OSBPL6: variants seen among roughly 807,000 people sequenced by gnomAD.
OSBPL6 encodes oxysterol-binding protein-related protein 6.
A neutral mutation model predicts 125.8 loss-of-function variants in OSBPL6; 49 were observed. That is an observed-to-expected ratio of 0.39 (90% CI 0.31 to 0.49). OSBPL6 has a LOEUF of 0.49. OSBPL6 is among the 20% of genes least tolerant of loss of function. OSBPL6 has a pLI of 0.88. For synonymous variants in OSBPL6, 394 were observed against 391.8 expected (o/e 1.01, Z -0.07); for missense variants, 986 against 1,135.4 (o/e 0.87, Z 1.89).
At chr2:178,200,877 G>A (rs2089214578) in intron 1 of OSBPL6, among the ~76,000 whole-genome samples, 1 of 151,822 alleles carries the variant, frequency 6.6e-6, no homozygotes, top group East Asian at 1.9e-4. Context: ...CTCAGTGCAA[G>A]CTCTGCCTCC....
chr2:178,311,046 A>G (rs1687227406), intron 3 of OSBPL6, among the ~76,000 whole-genome samples: 1 of 151,972 alleles, frequency 6.6e-6, no homozygotes, highest in African/African-American at 2.4e-5. Context: ...AGAGTGAGCC[A>G]CTCTTCTGCA....
chr2:178,353,177 G>A (rs546625538), intron 12 of OSBPL6, among the ~76,000 whole-genome samples: 1 of 152,338 alleles, frequency 6.6e-6, no homozygotes, highest in East Asian at 1.9e-4. Flanking sequence ...AAAAACCAGA[G>A]CACCTCTTCT....
intron 1 of OSBPL6, among the ~76,000 whole-genome samples, chr2:178,235,726 GA>G (rs1222811544): frequency 2.0e-5 from 3 of 152,000 alleles, no homozygotes; most frequent in Non-Finnish European, 1.5e-5. Flanking sequence ...TTTCTATTTG[GA>G]AAAAGATGCA....
chr2:178,214,029 G>A (rs1222500139), intron 1 of OSBPL6, among the ~76,000 whole-genome samples: 1 of 152,072 alleles, frequency 6.6e-6, no homozygotes, highest in African/African-American at 2.4e-5. Context: ...TCAAGTATTT[G>A]TATAATTACT....
intron 12 of OSBPL6, among the ~76,000 whole-genome samples, chr2:178,358,191 C>T (rs1394176804): frequency 6.6e-6 from 1 of 152,104 alleles, no homozygotes; most frequent in Non-Finnish European, 1.5e-5. Context: ...TGTACCAAAC[C>T]TGCACGTTGT....
chr2:178,399,189 G>A lies in OSBPL6; in HGVS notation c.*3630G>A, dbSNP rs1235406376. 1.3e-5 allele frequency: 2 copies of A among 152,114 alleles called. No homozygotes were observed. Among genetic ancestry groups the A allele is most frequent in the Non-Finnish European group, 2.9e-5 (2 of 68,022 alleles). The allele number at this position is 152,114 out of a possible 1,614,324, so 9.4% of individuals were successfully genotyped here. ...AATTAAACAATTTTGAATCTATTTT[G>A]TGCTCTAGAAATGTTCTTTTGGGGA... On this transcript the variant is annotated 3_prime_UTR_variant, in exon 25 of 25. Transcript: ENST00000190611.
At chr2:178,222,876 A>G (rs2090400862) in intron 1 of OSBPL6, among the ~76,000 whole-genome samples, 2 of 152,208 alleles carry the variant, frequency 1.3e-5, no homozygotes, top group African/African-American at 4.8e-5. Flanking sequence ...TAGTATTTAT[A>G]TTCCTGTAAA....
At chr2:178,195,334 T>C (rs2088819692) in intron 1 of OSBPL6, among the ~76,000 whole-genome samples, 1 of 152,198 alleles carries the variant, frequency 6.6e-6, no homozygotes, top group African/African-American at 2.4e-5. Context: ...CCTTCCCTGG[T>C]TCAGACCGGG....
At chr2:178,278,270 G>A (rs370177950) in intron 1 of OSBPL6, among the ~76,000 whole-genome samples, 1 of 152,106 alleles carries the variant, frequency 6.6e-6, no homozygotes, top group East Asian at 1.9e-4. Context: ...TACATATTTT[G>A]CTTTTGTAAC....
chr2:178,340,031 A>G (rs1690065948), intron 11 of OSBPL6, among the ~76,000 whole-genome samples: 1 of 152,180 alleles, frequency 6.6e-6, no homozygotes, highest in Non-Finnish European at 1.5e-5. Context: ...CCTTTGAACC[A>G]TTAAAATATA....
intron 1 of OSBPL6, among the ~76,000 whole-genome samples, chr2:178,267,581 A>C (rs779235176): frequency 1.3e-4 from 20 of 152,118 alleles, no homozygotes; most frequent in Admixed American, 3.3e-4. Flanking sequence ...TTCAGGTTTC[A>C]TCAGGGGCAG....
chr2:178,227,522 C>A (rs2090614306), intron 1 of OSBPL6, among the ~76,000 whole-genome samples: 1 of 152,092 alleles, frequency 6.6e-6, no homozygotes, highest in Non-Finnish European at 1.5e-5. Context: ...TTGCCCTGTA[C>A]ATATAAAAAA....
rs74757255 is a variant in OSBPL6, at chr2:178,306,522, A to G, written c.102+236A>G. Reference sequence around the variant, plus strand: ...ACAGAAGGCTGGTAGGGTGGCTATGAGAAGCCCTGCCGTCTTTTCCTCCCT... The same window carrying G: ...ACAGAAGGCTGGTAGGGTGGCTATGGGAAGCCCTGCCGTCTTTTCCTCCCT... On this transcript the variant is annotated intron_variant, in intron 3 of 24. Transcript: ENST00000190611. 0.015 allele frequency among the ~76,000 whole-genome samples: 2,324 copies of G among 152,260 alleles called. 107 individuals are homozygous for G. In the East Asian group the frequency reaches 0.18, roughly 12 times the overall value.
intron 1 of OSBPL6, among the ~76,000 whole-genome samples, chr2:178,201,407 G>T (rs1023409418): frequency 6.6e-6 from 1 of 150,764 alleles, no homozygotes; most frequent in Non-Finnish European, 1.5e-5. Flanking sequence ...TTGAGATGAG[G>T]GTCTCACTAT....
At chr2:178,257,799 C>CTT (rs34246883) in intron 1 of OSBPL6, among the ~76,000 whole-genome samples, 64 of 143,616 alleles carry the variant, frequency 4.5e-4, no homozygotes, top group Admixed American at 7.7e-4. Flanking sequence ...TTTTTAATTC[C>CTT]TTTTTTTTTT....
Position 178,242,248 on chromosome 2 carries a change from TC to T in OSBPL6, c.-350-42674del, listed in dbSNP as rs950254252. On this transcript the variant is annotated intron_variant, in intron 1 of 24. Coordinates refer to ENST00000190611, the MANE Select transcript of OSBPL6 (RefSeq NM_032523.4). ...ACAGCTGAACTCTGCCTTTTATTTT[TC>T]CCCCTTAACCAATATTATTTGACTC... Among the ~76,000 whole-genome samples the T allele has an allele frequency of 1.2e-3, 177 of 152,176 alleles. 3 individuals carry two copies. The highest frequency in any genetic ancestry group is 2.3e-3 in the Admixed American group (35 of 15,278).
At chr2:178,285,901 T>C (rs568116779) in intron 2 of OSBPL6, among the ~76,000 whole-genome samples, 14 of 152,306 alleles carry the variant, frequency 9.2e-5, no homozygotes, top group African/African-American at 3.4e-4. Context: ...AATTCAGACA[T>C]ATATGATTTG....
Position 178,294,856 on chromosome 2 carries a change from C to T in OSBPL6, c.-156+9735C>T, listed in dbSNP as rs538357520. Among the ~76,000 whole-genome samples the T allele has an allele frequency of 5.7e-5, 8 of 141,080 alleles. No individual in the cohort carries two copies. The East Asian group carries it at 1.4e-3, about 24-fold the overall frequency. 92.6% of individuals were successfully genotyped at this position (141,080 alleles called of 152,430 possible). On this transcript the variant is annotated intron_variant, in intron 2 of 24. Coordinates refer to ENST00000190611, the MANE Select transcript of OSBPL6 (RefSeq NM_032523.4). ...TTGAGCTAATTAACATGTGCATTAC[C>T]TCACCATTAGCTTTTTTTTTTTTTT...
rs537240177 is a variant in OSBPL6, at chr2:178,226,160, A to G, written c.-351+31486A>G. On this transcript the variant is annotated intron_variant, in intron 1 of 24. Transcript: ENST00000190611. The stretch of plus-strand genomic sequence containing the variant: ...GTGTGGATGCAGTGACAGCCTGGGT[A>G]GGGGTGGGCAAGGAGATGGGTTGGG... Among the ~76,000 whole-genome samples, 162 of 152,142 alleles carry G rather than the reference A, an allele frequency of 1.1e-3. 2 individuals carry two copies. Among genetic ancestry groups the G allele is most frequent in the African/African-American group, 3.8e-3 (156 of 41,548 alleles).
Sources: allele counts gnomAD v4.1 joint callset (sites outside exome capture counted in the v4.1 genomes callset), GRCh38; gene constraint gnomAD v4.1.1; transcripts MANE v1.5; gene names NCBI Gene and HGNC (gene_info 2026-07-23, HGNC 2026-07-21).